The following SCN2A variants were observed in gnomAD, a reference collection of about 807,000 sequenced individuals.
SCN2A encodes sodium channel protein type 2 subunit alpha.
SCN2A carries 20 observed loss-of-function variants against 188.7 expected under a neutral mutation model. The ratio of observed to expected loss-of-function variants is 0.11; its 90% CI spans 0.07 to 0.15. The LOEUF is 0.15. Ranked by LOEUF, SCN2A falls within the 10% of genes least tolerant of loss-of-function variation. The pLI is 1.00. For missense variants in SCN2A, 1,278 were observed against 2,445.0 expected (o/e 0.52, Z 10.07); for synonymous variants, 804 against 833.1 (o/e 0.97, Z 0.60).
intron 1 of SCN2A, among the ~76,000 whole-genome samples, chr2:165,258,439 G>C (rs569544885): frequency 6.6e-6 from 1 of 152,314 alleles, no homozygotes; most frequent in South Asian, 2.1e-4. Context: ...TCCGTTGCTT[G>C]CTGGAGAGAT....
chr2:165,265,873 G>A (rs10930155), intron 1 of SCN2A, among the ~76,000 whole-genome samples: 55,005 of 149,728 alleles, frequency 0.37, 10,360 homozygotes, highest in African/African-American at 0.46. Context: ...CCAGGCTGGA[G>A]TCTAGTGGTG....
At chr2:165,283,076 G>A (rs1406828783) in intron 1 of SCN2A, among the ~76,000 whole-genome samples, 3 of 152,182 alleles carry the variant, frequency 2.0e-5, no homozygotes, top group East Asian at 3.9e-4. Context: ...ATTTCCTAGC[G>A]GTAGAAATAT....
chr2:165,334,479 C>T (rs1698875145), intron 14 of SCN2A, among the ~76,000 whole-genome samples: 1 of 151,592 alleles, frequency 6.6e-6, no homozygotes, highest in African/African-American at 2.4e-5. Context: ...AGGGCTGGAC[C>T]AGCATAAAAA....
At chr2:165,319,876 G>C (rs533779596) in intron 11 of SCN2A, among the ~76,000 whole-genome samples, 1 of 152,242 alleles carries the variant, frequency 6.6e-6, no homozygotes, top group South Asian at 2.1e-4. Context: ...GAGAAATCAT[G>C]TCATTCCACC....
At chr2:165,271,488 G>T (rs1450885300) in intron 1 of SCN2A, 1 of 152,158 alleles carries the variant, frequency 6.6e-6, no homozygotes, top group Non-Finnish European at 1.5e-5. Flanking sequence ...AGCTTACCCA[G>T]CCTGGCTTGG....
In SCN2A at chr2:165,315,463, C is replaced by A. The variant is rs755754936; in HGVS notation, c.1384-8C>A. Reference sequence around the variant, plus strand: ...TATGCAACTTCCACATACTTTGCGCCCTTCTAGGCGGCAGCTGCAGCCGCA... The same window carrying A: ...TATGCAACTTCCACATACTTTGCGCACTTCTAGGCGGCAGCTGCAGCCGCA... On this transcript the variant is annotated splice_region_variant and splice_polypyrimidine_tract_variant and intron_variant, in intron 10 of 26. Coordinates refer to ENST00000375437, the MANE Select transcript of SCN2A (RefSeq NM_001040142.2). The A allele has an allele frequency of 6.2e-7, 1 of 1,613,532 alleles. No individual in the cohort carries two copies. The highest frequency in any genetic ancestry group is 1.3e-5 in the African/African-American group (1 of 74,878).
intron 16 of SCN2A, among the ~76,000 whole-genome samples, chr2:165,348,842 A>T (rs1699741480): frequency 6.6e-6 from 1 of 152,202 alleles, no homozygotes; most frequent in African/African-American, 2.4e-5. Flanking sequence ...GACCTTTTCC[A>T]TAGGACTGTT....
At chr2:165,258,626 A>G (rs893462753) in intron 1 of SCN2A, among the ~76,000 whole-genome samples, 33 of 152,348 alleles carry the variant, frequency 2.2e-4, no homozygotes, top group African/African-American at 7.9e-4. Flanking sequence ...ATAAAGACAC[A>G]TGCACACCTA....
chr2:165,299,799 T>C (rs1574533846), intron 3 of SCN2A, among the ~76,000 whole-genome samples: 1 of 152,212 alleles, frequency 6.6e-6, no homozygotes, highest in South Asian at 2.1e-4. Context: ...CATGGTTGTT[T>C]GGCCACAGTT....
At chr2:165,334,272 G>A (rs1395714704) in intron 14 of SCN2A, among the ~76,000 whole-genome samples, 1 of 151,634 alleles carries the variant, frequency 6.6e-6, no homozygotes, top group Admixed American at 6.6e-5. Context: ...CTCACTTTCT[G>A]AAGCTAGAAT....
chr2:165,313,582 G>A (rs765217525), intron 8 of SCN2A, 38 bp from the exon 9 acceptor site: 31 of 1,611,776 alleles, frequency 1.9e-5, no homozygotes, highest in East Asian at 1.1e-4. Flanking sequence ...CAGACTTGCC[G>A]TTATTGACTT....
rs573366366 is a variant in SCN2A at position 165,330,750 on chromosome 2, T to C, written c.2150-580T>C. ...TTAGGCTGGGGTATTTTCTCTTCTT[T>C]TATGCCCTCTAGTTAAATGAGAAAT... On this transcript the variant is annotated intron_variant, in intron 13 of 26. Transcript: ENST00000375437. 1.4e-4 allele frequency among the ~76,000 whole-genome samples: 21 copies of C among 152,226 alleles called. 2 individuals carry two copies. Among genetic ancestry groups the C allele is most frequent in the African/African-American group, 4.6e-4 (19 of 41,552 alleles).
intron 1 of SCN2A, among the ~76,000 whole-genome samples, chr2:165,257,067 C>G (rs1249268839): frequency 1.3e-5 from 2 of 152,126 alleles, no homozygotes; most frequent in Non-Finnish European, 2.9e-5. Context: ...GGTTTGATGG[C>G]TAGGACCAAC....
Position 165,310,239 on chromosome 2 carries a change from T to C in SCN2A, c.698-84T>C, listed in dbSNP as rs563689297. ...GGCATTCTGCATGACATTTTTATTT[T>C]CCAGGACAAGCTCATGATATTTTTG... On this transcript the variant is annotated intron_variant, in intron 6 of 26. Transcript: ENST00000375437. 16 of 1,412,238 alleles carry C rather than the reference T, an allele frequency of 1.1e-5. No individual in the cohort carries two copies. The African/African-American group carries it at 2.3e-4, about 20-fold the overall frequency. The allele number at this position is 1,412,238 out of a possible 1,614,324, so 87.5% of individuals were successfully genotyped here. A position where few individuals can be genotyped will look rare whatever the true frequency, so the allele number is the denominator to read the frequency against.
chr2:165,243,368 C>T (rs905611986), intron 1 of SCN2A, among the ~76,000 whole-genome samples: 2 of 151,986 alleles, frequency 1.3e-5, no homozygotes, highest in Admixed American at 6.6e-5. Context: ...TTTGGGAGGC[C>T]GAGGTGGGCG....
At chr2:165,345,833 G>T (rs1472780718) in intron 16 of SCN2A, among the ~76,000 whole-genome samples, 1 of 152,098 alleles carries the variant, frequency 6.6e-6, no homozygotes, top group Non-Finnish European at 1.5e-5. Flanking sequence ...GTATGTTTTT[G>T]CAGTGGCTGG....
At chr2:165,327,343 A>C in intron 13 of SCN2A, 1 of 231,252 alleles carries the variant, frequency 4.3e-6, no homozygotes, top group South Asian at 5.7e-5. Flanking sequence ...CTTGAGACAC[A>C]AGTTATAAAA....
chr2:165,338,512 G>A (rs898997519), intron 14 of SCN2A, among the ~76,000 whole-genome samples: 7 of 151,866 alleles, frequency 4.6e-5, no homozygotes, highest in Non-Finnish European at 1.0e-4. Flanking sequence ...CGCCCGTCTC[G>A]GCCTCCCAAA....
chr2:165,294,306 C>T (rs1696384430), intron 1 of SCN2A, among the ~76,000 whole-genome samples: 1 of 151,960 alleles, frequency 6.6e-6, no homozygotes, highest in Non-Finnish European at 1.5e-5. Flanking sequence ...AGTTTCCTCC[C>T]CCAGTGTGCA....
Sources: allele counts gnomAD v4.1 joint callset (sites outside exome capture counted in the v4.1 genomes callset), GRCh38; gene constraint gnomAD v4.1.1; transcripts MANE v1.5; gene names NCBI Gene and HGNC (gene_info 2026-07-23, HGNC 2026-07-21).